ZZEF1: variants seen among roughly 807,000 people sequenced by gnomAD.
The protein encoded by ZZEF1 is zinc finger ZZ-type and EF-hand domain-containing protein 1.
A neutral mutation model predicts 342.8 loss-of-function variants in ZZEF1; 157 were observed. The ratio of observed to expected loss-of-function variants is 0.46; its 90% CI spans 0.40 to 0.52. The LOEUF (loss-of-function observed/expected upper bound fraction) is 0.52, where lower values mean the gene tolerates loss of function less well. ZZEF1 is among the 20% of genes least tolerant of loss of function. The pLI is 0.00. For missense variants in ZZEF1, 3,480 were observed against 3,725.6 expected, an observed-to-expected ratio of 0.93 and a Z score of 1.72; for synonymous variants, 1,505 against 1,429.1, an observed-to-expected ratio of 1.05 and a Z score of -1.20.
intron 18 of ZZEF1, among the ~76,000 whole-genome samples, chr17:4,078,567 A>C (rs930356532): frequency 4.6e-5 from 7 of 152,258 alleles, no homozygotes; most frequent in Non-Finnish European, 5.9e-5. Context: ...AAGAAGAACA[A>C]GGAAATGGTG....
chr17:4,137,418 G>C (rs374572655), intron 1 of ZZEF1, among the ~76,000 whole-genome samples: 2 of 152,146 alleles, frequency 1.3e-5, no homozygotes, highest in Non-Finnish European at 2.9e-5. Context: ...AGACCATCCT[G>C]GCTAACACGG....
In ZZEF1 at chr17:4,016,206, G is replaced by A; in HGVS notation, c.8145+117C>T. On this transcript the variant is annotated intron_variant, in intron 49 of 54. Coordinates refer to ENST00000381638, the MANE Select transcript of ZZEF1 (RefSeq NM_015113.4). The surrounding 1 kb of genome is among the most constrained non-coding windows in gnomAD (Gnocchi z 4.4). ...GAAGCACTTTCCTGGACAGGTCTCTGCTGTCCAGCGGGAGAGAGCCACAGA... is the reference window on the plus strand; with the variant it reads ...GAAGCACTTTCCTGGACAGGTCTCTACTGTCCAGCGGGAGAGAGCCACAGA... The A allele has an allele frequency of 7.9e-7, 1 of 1,266,616 alleles. No homozygotes were observed. Among genetic ancestry groups the A allele is most frequent in the South Asian group, 1.4e-5 (1 of 69,112 alleles). 78.5% of individuals were successfully genotyped at this position (1,266,616 alleles called of 1,614,324 possible).
intron 42 of ZZEF1, among the ~76,000 whole-genome samples, chr17:4,028,408 T>C (rs538582920): frequency 2.6e-4 from 39 of 151,980 alleles, no homozygotes; most frequent in Non-Finnish European, 4.3e-4. Flanking sequence ...ATTAGCTGGA[T>C]GTAGTGGCAG....
chr17:4,107,071 A>G (rs1011351028), intron 6 of ZZEF1, among the ~76,000 whole-genome samples: 13 of 152,330 alleles, frequency 8.5e-5, no homozygotes, highest in South Asian at 2.1e-4. Context: ...GCATGCGATC[A>G]TTTACTGAAT....
intron 16 of ZZEF1, among the ~76,000 whole-genome samples, chr17:4,084,860 C>A (rs1394176756): frequency 6.6e-6 from 1 of 152,230 alleles, no homozygotes; most frequent in East Asian, 1.9e-4. Context: ...CGCCTGTAAT[C>A]CCAGCACTTT....
intron 39 of ZZEF1, among the ~76,000 whole-genome samples, chr17:4,039,643 T>A (rs2056755634): frequency 7.0e-6 from 1 of 142,410 alleles, no homozygotes; most frequent in Admixed American, 7.0e-5. Flanking sequence ...AAAGAGAACT[T>A]TTTTTTTTTT....
At chr17:4,049,612 G>T in intron 37 of ZZEF1, 96 bp downstream of exon 37, 1 of 1,464,178 alleles carries the variant, frequency 6.8e-7, no homozygotes, top group Non-Finnish European at 9.3e-7. Context: ...TGGGTTAGGA[G>T]TCTGTGCTCT....
chr17:4,036,776 TACACACACACACACAC>T (rs761229612), intron 39 of ZZEF1, among the ~76,000 whole-genome samples: 12 of 99,912 alleles, frequency 1.2e-4, no homozygotes, highest in Admixed American at 1.1e-3. Flanking sequence ...ATATATAGAA[TACACACACACACACAC>T]ACACACACAC....
intron 1 of ZZEF1, among the ~76,000 whole-genome samples, chr17:4,135,865 T>C (rs1009973358): frequency 1.3e-5 from 2 of 152,164 alleles, no homozygotes; most frequent in Non-Finnish European, 2.9e-5. Context: ...CAAGTGCTTC[T>C]CAACTTTTAT....
At chr17:4,141,689 C>A (rs183483902) in intron 1 of ZZEF1, among the ~76,000 whole-genome samples, 2 of 143,520 alleles carry the variant, frequency 1.4e-5, no homozygotes, top group Non-Finnish European at 3.0e-5. Flanking sequence ...TGCACATGTA[C>A]GCCTGAATTT....
intron 1 of ZZEF1, among the ~76,000 whole-genome samples, chr17:4,132,808 T>A (rs112907009): frequency 1.4e-5 from 2 of 145,240 alleles, no homozygotes; most frequent in African/African-American, 4.9e-5. Flanking sequence ...CTACTAAAAA[T>A]ACAAAAAATT....
At position 4,076,672 on chromosome 17, in the gene ZZEF1, T is replaced by G. The variant is rs748781926; in HGVS notation, c.3199A>C (p.Lys1067Gln). ...CCTCCTTCGGGGCCACTACAGAGCTTCTTCAGGAGTTCTGTGAGGACGCTG... is the reference window on the plus strand; with the variant it reads ...CCTCCTTCGGGGCCACTACAGAGCTGCTTCAGGAGTTCTGTGAGGACGCTG... ...EFSVLTELLK[K>Q]LCSGPEGGLR... Residue 1067 changes from lysine to glutamine, a missense_variant, in exon 21 of 55, where the codon AAG becomes CAG. This residue lies in a region of ZZEF1 where 1,528 missense variants were observed against 1,624.1 expected (regional missense o/e 0.94). Coordinates refer to ENST00000381638, the MANE Select transcript of ZZEF1 (RefSeq NM_015113.4). 6.8e-5 allele frequency: 109 copies of G among 1,613,112 alleles called. 2 individuals are homozygous for G. The South Asian group carries it at 1.1e-3, about 16-fold the overall frequency.
intron 8 of ZZEF1, among the ~76,000 whole-genome samples, 164 bp from the exon 9 acceptor site, chr17:4,102,579 A>G (rs139899909): frequency 1.9e-3 from 297 of 152,330 alleles, no homozygotes; most frequent in African/African-American, 6.8e-3. Flanking sequence ...AAAAGTTGAC[A>G]CCATCCCTTT....
At chr17:4,060,278 C>T (rs771431129) in intron 30 of ZZEF1, among the ~76,000 whole-genome samples, 68 of 152,138 alleles carry the variant, frequency 4.5e-4, no homozygotes, top group African/African-American at 7.0e-4. Flanking sequence ...TCAAACCTTC[C>T]CATAGGCCAG....
intron 32 of ZZEF1, among the ~76,000 whole-genome samples, chr17:4,057,391 C>G (rs1390175850): frequency 1.3e-5 from 2 of 152,190 alleles, no homozygotes; most frequent in Non-Finnish European, 2.9e-5. Context: ...TCACTTCTTC[C>G]CACTTCTCTC....
rs147348602 is a variant in ZZEF1, at chr17:4,141,916, A to T, written c.354+626T>A. Among the ~76,000 whole-genome samples the T allele has an allele frequency of 3.1e-3, 479 of 152,370 alleles. 2 individuals carry two copies. The highest frequency in any genetic ancestry group is 0.011 in the African/African-American group (439 of 41,578). ...TAGCAGACATGATCTTGGTGATTAT[A>T]TGAAGAACTGCATAATTACAAGTAT... On this transcript the variant is annotated intron_variant, in intron 1 of 54. Transcript: ENST00000381638.
chr17:4,085,065 T>C (rs1470431778), intron 16 of ZZEF1, among the ~76,000 whole-genome samples: 2 of 152,136 alleles, frequency 1.3e-5, no homozygotes, highest in East Asian at 1.9e-4. Context: ...TGAGTTGTGA[T>C]TGCACCACTG....
chr17:4,007,974 G>A (rs1372175536), intron 54 of ZZEF1, among the ~76,000 whole-genome samples: 2 of 152,024 alleles, frequency 1.3e-5, no homozygotes, highest in East Asian at 3.9e-4. Context: ...GGGGGTGTTG[G>A]GCCACACACG....
intron 26 of ZZEF1, among the ~76,000 whole-genome samples, chr17:4,069,104 T>TAA (rs1468581643): frequency 7.2e-5 from 11 of 152,240 alleles, no homozygotes; most frequent in Non-Finnish European, 1.6e-4. Context: ...GTTGACTGTG[T>TAA]GTTTTCTCTT....
Sources: gnomAD v4.1 joint callset for allele counts (sites outside exome capture counted in the v4.1 genomes callset) on GRCh38, gnomAD v4.1.1 for gene constraint, gnomAD v4.1.1 regional missense constraint, Gnocchi (gnomAD v3.1) non-coding constraint, MANE v1.5 for transcripts, NCBI Gene and HGNC (gene_info 2026-07-23, HGNC 2026-07-21) for gene names.